The following COL4A2 variants were observed in gnomAD, a reference collection of about 807,000 sequenced individuals.
COL4A2 encodes the protein collagen alpha-2(IV) chain.
Under a neutral mutation model 200.2 loss-of-function variants are expected in COL4A2, and 99 were observed. That is an observed-to-expected ratio of 0.49 (90% confidence interval 0.42 to 0.58). COL4A2 has a LOEUF of 0.58. Among genes scored for constraint, COL4A2 ranks in the 20% least tolerant of loss-of-function variants. The probability of loss-of-function intolerance (pLI) is 0.00; values close to 1 mark genes in which losing one functional copy is unlikely to be tolerated. For synonymous variants in COL4A2, 897 were observed against 900.6 expected (o/e 1.00, Z 0.07); for missense variants, 1,950 against 2,314.1 (o/e 0.84, Z 3.23).
intron 8 of COL4A2, 125 bp downstream of exon 8, chr13:110,430,081 G>A (rs1255627951): frequency 6.2e-6 from 6 of 971,258 alleles, no homozygotes; most frequent in East Asian, 2.8e-5. Context: ...CTAGAATGGC[G>A]GCATAATCTA....
intron 3 of COL4A2, among the ~76,000 whole-genome samples, chr13:110,345,224 T>TGTAC (rs1425739585): frequency 1.3e-5 from 2 of 152,212 alleles, no homozygotes; most frequent in Non-Finnish European, 2.9e-5. Context: ...AGGAACAGTG[T>TGTAC]GTACAAACGC....
chr13:110,510,985 T>C (rs946920583), intron 47 of COL4A2, among the ~76,000 whole-genome samples: 1 of 152,216 alleles, frequency 6.6e-6, no homozygotes, highest in Non-Finnish European at 1.5e-5. Context: ...GGGTTTTTTT[T>C]TGTATTTAAA....
chr13:110,474,670 ACT>A (rs1160474302), intron 29 of COL4A2, among the ~76,000 whole-genome samples: 1 of 124,814 alleles, frequency 8.0e-6, no homozygotes, highest in Non-Finnish European at 1.8e-5. Context: ...ACATGATCAC[ACT>A]CCTTACACAC....
intron 4 of COL4A2, among the ~76,000 whole-genome samples, chr13:110,412,275 G>T (rs1879872325): frequency 6.6e-6 from 1 of 152,300 alleles, no homozygotes; most frequent in African/African-American, 2.4e-5. Flanking sequence ...CCCCATGGGA[G>T]GTGAGCTCCC....
chr13:110,462,056 T>C (rs1352973972), intron 22 of COL4A2, 58 bp from the exon 23 acceptor site: 1 of 1,601,302 alleles, frequency 6.2e-7, no homozygotes, highest in East Asian at 2.2e-5. Flanking sequence ...GCCAGCCATC[T>C]TCTCAGATGC....
rs949455114 is a variant in COL4A2, at chr13:110,512,539, C to T, written c.*348C>T. 7.4e-6 allele frequency: 2 copies of T among 268,806 alleles called. No individual in the cohort carries two copies. The highest frequency in any genetic ancestry group is 1.4e-5 in the Non-Finnish European group (2 of 141,660). The allele number at this position is 268,806 out of a possible 1,614,324, so 16.7% of individuals were successfully genotyped here. On this transcript the variant is annotated 3_prime_UTR_variant, in exon 48 of 48. Transcript: ENST00000360467. ...AACTCACATTGTTCAACTCCCTTCT[C>T]GGGGTGGGACAGACGAGACAACAGC...
At chr13:110,385,247 G>A (rs1451935984) in intron 4 of COL4A2, among the ~76,000 whole-genome samples, 1 of 151,682 alleles carries the variant, frequency 6.6e-6, no homozygotes, top group Non-Finnish European at 1.5e-5. Context: ...GGGCAACAGA[G>A]TGAGACTCCG....
rs1007501385 is a variant in COL4A2, at chr13:110,362,691, G to A, written c.180+5139G>A. 4.7e-4 allele frequency among the ~76,000 whole-genome samples: 72 copies of A among 152,154 alleles called. 2 individuals carry two copies. Among genetic ancestry groups the A allele is most frequent in the Admixed American group, 4.0e-3 (61 of 15,288 alleles). The stretch of plus-strand genomic sequence containing the variant: ...GAGATGGAAGGCAGTTGAATGGGAA[G>A]CATCAAAGTGAGTTTCAGTTACAGA... On this transcript the variant is annotated intron_variant, in intron 4 of 47. Coordinates refer to ENST00000360467, the MANE Select transcript of COL4A2 (RefSeq NM_001846.4).
intron 29 of COL4A2, among the ~76,000 whole-genome samples, chr13:110,476,905 G>A (rs919017327): frequency 2.6e-5 from 4 of 152,194 alleles, no homozygotes; most frequent in Non-Finnish European, 5.9e-5. Flanking sequence ...TATGAAGTTT[G>A]AATACAAAGG....
chr13:110,506,367 G>T (rs1174330987), intron 45 of COL4A2, 48 bp from the exon 46 acceptor site: 7 of 1,554,108 alleles, frequency 4.5e-6, no homozygotes, highest in Non-Finnish European at 5.2e-6. Flanking sequence ...TCTTTCTCGG[G>T]CTGCAGGTGC....
intron 32 of COL4A2, among the ~76,000 whole-genome samples, chr13:110,484,321 G>A (rs544106109): frequency 6.6e-6 from 1 of 152,182 alleles, no homozygotes; most frequent in East Asian, 1.9e-4. Flanking sequence ...TTTTCACTGA[G>A]CCAGATTTCA....
Position 110,307,784 on chromosome 13 carries a change from C to T in COL4A2, c.-44-76C>T. 7.3e-7 allele frequency: 1 copy of T among 1,369,458 alleles called. No individual in the cohort carries two copies. Among genetic ancestry groups the T allele is most frequent in the Non-Finnish European group, 9.9e-7 (1 of 1,014,728 alleles). 84.8% of individuals were successfully genotyped at this position (1,369,458 alleles called of 1,614,324 possible). On this transcript the variant is annotated intron_variant, in intron 1 of 47. Transcript: ENST00000360467. The surrounding 1 kb of genome is among the most constrained non-coding windows in gnomAD (Gnocchi z 5.0). ...CGCGCACCGCGCTGTCCCCGCGTCT[C>T]GCGGACCGAGACCGGCGGTGAGGAT...
chr13:110,332,979 G>A lies in COL4A2; in HGVS notation c.100-24493G>A, dbSNP rs578190532. On this transcript the variant is annotated intron_variant, in intron 3 of 47. Transcript: ENST00000360467. ...AGTCAGCAAGAAGTGGGTGCATGAG[G>A]CTTCCCAACCCACCAGGTCCTTGCA... Among the ~76,000 whole-genome samples the A allele has an allele frequency of 5.9e-5, 9 of 152,326 alleles. No homozygotes were observed. In the South Asian group the frequency reaches 1.9e-3, roughly 32 times the overall value.
chr13:110,412,287 G>C (rs372109969), intron 4 of COL4A2, among the ~76,000 whole-genome samples: 1 of 152,176 alleles, frequency 6.6e-6, no homozygotes, highest in Non-Finnish European at 1.5e-5. Context: ...TGAGCTCCCC[G>C]TGACAAATGA....
At chr13:110,511,211 C>T (rs1384734682) in intron 47 of COL4A2, among the ~76,000 whole-genome samples, 1 of 145,368 alleles carries the variant, frequency 6.9e-6, no homozygotes, top group East Asian at 2.0e-4. Context: ...CATGTTGATG[C>T]AACAGAAAGT....
At position 110,508,337 on chromosome 13, in the gene COL4A2, G is replaced by C; in HGVS notation, c.4881+116G>C. 3 of 1,505,510 alleles carry C rather than the reference G, an allele frequency of 2.0e-6. No homozygotes were observed. Among genetic ancestry groups the C allele is most frequent in the Non-Finnish European group, 1.8e-6 (2 of 1,110,562 alleles). 93.3% of individuals were successfully genotyped at this position (1,505,510 alleles called of 1,614,324 possible). A position where few individuals can be genotyped will look rare whatever the true frequency, so the allele number is the denominator to read the frequency against. ...GCAGTCCAGGGTGTGCACTGCACAA[G>C]GGTAGTTGGCCCAGGAAGCGAGCGA... On this transcript the variant is annotated intron_variant, in intron 47 of 47. Coordinates refer to ENST00000360467, the MANE Select transcript of COL4A2 (RefSeq NM_001846.4). The surrounding 1 kb of genome is among the most constrained non-coding windows in gnomAD (Gnocchi z 6.1).
At chr13:110,390,454 C>T (rs970529471) in intron 4 of COL4A2, among the ~76,000 whole-genome samples, 9 of 152,212 alleles carry the variant, frequency 5.9e-5, no homozygotes, top group Non-Finnish European at 4.4e-5. Flanking sequence ...CGCTGGGAGT[C>T]TGTGGGTGGG....
At chr13:110,461,958 G>A (rs371095003) in intron 22 of COL4A2, 156 bp from the exon 23 acceptor site, 25 of 1,057,864 alleles carry the variant, frequency 2.4e-5, no homozygotes, top group Middle Eastern at 3.1e-4. Flanking sequence ...GGATGGGGGC[G>A]TATCCAGCAT....
At chr13:110,318,098 C>T (rs987038760) in intron 3 of COL4A2, among the ~76,000 whole-genome samples, 4 of 152,202 alleles carry the variant, frequency 2.6e-5, no homozygotes, top group African/African-American at 9.7e-5. Context: ...TGGGAAAAGT[C>T]ACTTTTCCTT....
Sources: gnomAD v4.1 joint callset for allele counts (sites outside exome capture counted in the v4.1 genomes callset) on GRCh38, gnomAD v4.1.1 for gene constraint, Gnocchi (gnomAD v3.1) non-coding constraint, MANE v1.5 for transcripts, NCBI Gene and HGNC (gene_info 2026-07-23, HGNC 2026-07-21) for gene names.